The following RNASEH2B variants were observed in gnomAD, a reference collection of about 807,000 sequenced individuals.
RNASEH2B encodes the protein ribonuclease H2 subunit B.
In RNASEH2B, 36 loss-of-function variants were observed where a neutral mutation model predicts 45.0. The ratio of observed to expected loss-of-function variants is 0.80; its 90% CI spans 0.61 to 1.06. The LOEUF (loss-of-function observed/expected upper bound fraction) is 1.06. Among genes scored for constraint, RNASEH2B ranks in the 50% least tolerant of loss-of-function variants. The probability of loss-of-function intolerance (pLI) is 0.00; values close to 1 mark genes in which losing one functional copy is unlikely to be tolerated. For synonymous variants in RNASEH2B, 119 were observed against 125.7 expected, an observed-to-expected ratio of 0.95 and a Z score of 0.35; for missense variants, 361 against 360.3, an observed-to-expected ratio of 1.00 and a Z score of -0.02.
intron 1 of RNASEH2B, among the ~76,000 whole-genome samples, chr13:50,916,918 A>G (rs1879777153): frequency 6.6e-6 from 1 of 152,194 alleles, no homozygotes; most frequent in Non-Finnish European, 1.5e-5. Context: ...TTGCAGCAGC[A>G]GGAGTCCAGG....
rs9535526 is a variant in RNASEH2B at position 50,910,309 on chromosome 13, C to T, written c.64+169C>T. On this transcript the variant is annotated intron_variant, in intron 1 of 10. Transcript: ENST00000336617. ...CATTTTGGTCACACGTCATAGCAAGCCGCGGTTTTCAAACCCGGAAGCGCC... is the reference window on the plus strand; with the variant it reads ...CATTTTGGTCACACGTCATAGCAAGTCGCGGTTTTCAAACCCGGAAGCGCC... 251,627 of 433,204 alleles carry T rather than the reference C, an allele frequency of 0.58. 74,342 individuals carry two copies. Among genetic ancestry groups the T allele is most frequent in the African/African-American group, 0.62 (29,832 of 48,488 alleles). 26.8% of individuals were successfully genotyped at this position (433,204 alleles called of 1,614,324 possible).
chr13:50,926,334 T>C (rs1385014049), intron 1 of RNASEH2B, among the ~76,000 whole-genome samples: 1 of 152,208 alleles, frequency 6.6e-6, no homozygotes, highest in Non-Finnish European at 1.5e-5. Context: ...AAAATCTCCC[T>C]TCTTTCATTC....
At chr13:50,943,131 C>T in intron 5 of RNASEH2B, 190 bp from the exon 6 acceptor site, 1 of 557,582 alleles carries the variant, frequency 1.8e-6, no homozygotes, top group Non-Finnish European at 3.2e-6. Context: ...TGGTTGATGA[C>T]TCCTGAGGTA....
chr13:50,931,755 A>G lies in RNASEH2B; in HGVS notation c.321+996A>G, dbSNP rs939489282. 2.0e-5 allele frequency among the ~76,000 whole-genome samples: 3 copies of G among 152,320 alleles called. No individual in the cohort carries two copies. In the South Asian group the frequency reaches 6.2e-4, roughly 32 times the overall value. ...CTAAAAAATCAACAAGTAGTTTTTT[A>G]AAGTTTAGTTGCAATGTGAAATGTG... On this transcript the variant is annotated intron_variant, in intron 4 of 10. Coordinates refer to ENST00000336617, the MANE Select transcript of RNASEH2B (RefSeq NM_024570.4).
chr13:50,912,637 A>G (rs1879489594), intron 1 of RNASEH2B: 1 of 152,234 alleles, frequency 6.6e-6, no homozygotes, highest in Admixed American at 6.5e-5. Flanking sequence ...GGAGTTGGAA[A>G]CGATATGCCC....
At chr13:50,956,114 T>G in intron 10 of RNASEH2B, 1 of 436,730 alleles carries the variant, frequency 2.3e-6, no homozygotes, top group Non-Finnish European at 4.2e-6. Flanking sequence ...TGTAAACCAT[T>G]GGTTGGAACA....
rs1216959849 is a variant in RNASEH2B, at chr13:50,910,114, C to T, written c.38C>T (p.Ala13Val). ...AGVDCGDGVGARQHVFLVSEY... is the reference protein window; with the variant it reads ...AGVDCGDGVGVRQHVFLVSEY... ...GTGGACTGCGGGGACGGGGTTGGCG[C>T]CCGGCAGCACGTGTTCCTGGTTTCA... The change falls in exon 1 of 11, where the codon GCC (alanine) becomes GTC (valine). Residue 13 changes from alanine (A) to valine (V), a missense_variant. Transcript: ENST00000336617. 6 of 1,458,890 alleles carry T rather than the reference C, an allele frequency of 4.1e-6. No homozygotes were observed. The highest frequency in any genetic ancestry group is 5.4e-6 in the Non-Finnish European group (6 of 1,107,580). The allele number at this position is 1,458,890 out of a possible 1,614,324, so 90.4% of individuals were successfully genotyped here.
chr13:50,928,219 T>TG (rs1221201729), intron 2 of RNASEH2B: 1 of 152,238 alleles, frequency 6.6e-6, no homozygotes, highest in Non-Finnish European at 1.5e-5. Context: ...ACCTGATACT[T>TG]GCCATATTAG....
intron 4 of RNASEH2B, 95 bp downstream of exon 4, chr13:50,930,854 T>A: frequency 2.1e-6 from 2 of 945,038 alleles, no homozygotes; most frequent in Non-Finnish European, 1.7e-6. Context: ...CAAAGGTGGA[T>A]TCTACCTTCA....
intron 7 of RNASEH2B, among the ~76,000 whole-genome samples, chr13:50,945,762 C>A (rs1270272095): frequency 6.6e-6 from 1 of 152,154 alleles, no homozygotes; most frequent in Admixed American, 6.5e-5. Context: ...GCAAATATTT[C>A]TTTTACATTG....
chr13:50,944,312 G>A (rs140229948), intron 6 of RNASEH2B, among the ~76,000 whole-genome samples: 88 of 152,282 alleles, frequency 5.8e-4, no homozygotes, highest in African/African-American at 2.0e-3. Context: ...ACCAGTAGTT[G>A]TAGTACTGTT....
intron 10 of RNASEH2B, chr13:50,955,137 A>G (rs1456972741): frequency 6.6e-6 from 1 of 152,214 alleles, no homozygotes; most frequent in African/African-American, 2.4e-5. Flanking sequence ...TTAAGTACAG[A>G]AATTGTTTCC....
At chr13:50,927,161 G>C (rs1411099006) in intron 1 of RNASEH2B, 2 of 415,558 alleles carry the variant, frequency 4.8e-6, no homozygotes, top group East Asian at 1.1e-4. Flanking sequence ...TATCACCCAG[G>C]CCTTCTGATT....
rs1428846232 is a variant in RNASEH2B at position 50,969,957 on chromosome 13, G to A, written c.767G>A (p.Gly256Asp). ...ATGGCAGCACAAAGACAGAAAAGGG[G>A]CAAGTGATGGTGGTGGCTCCACGCA... The change falls in exon 10 of 10, where the codon GGC becomes GAC. Residue 256 changes from glycine to aspartate, a missense_variant. Coordinates refer to the RNASEH2B transcript ENST00000422660. The A allele has an allele frequency of 1.3e-6, 2 of 1,551,640 alleles. No homozygotes were observed. Among genetic ancestry groups the A allele is most frequent in the Non-Finnish European group, 8.7e-7 (1 of 1,146,940 alleles).
Position 50,956,544 on chromosome 13 carries a change from A to G in RNASEH2B, c.*70A>G. On this transcript the variant is annotated 3_prime_UTR_variant, in exon 11 of 11. Coordinates refer to ENST00000336617, the MANE Select transcript of RNASEH2B (RefSeq NM_024570.4). ...TTTCAGTTTGTCCTTCCTGACTGTTAATGACTACCTTTGGTTGGGGGAAGG... is the reference window on the plus strand; with the variant it reads ...TTTCAGTTTGTCCTTCCTGACTGTTGATGACTACCTTTGGTTGGGGGAAGG... 6.5e-7 allele frequency: 1 copy of G among 1,546,196 alleles called. No homozygotes were observed. Among genetic ancestry groups the G allele is most frequent in the Non-Finnish European group, 8.8e-7 (1 of 1,142,444 alleles).
At chr13:50,969,133 TGCCCTC>T (rs1952193550) in intron 9 of RNASEH2B, among the ~76,000 whole-genome samples, 1 of 152,180 alleles carries the variant, frequency 6.6e-6, no homozygotes, top group African/African-American at 2.4e-5. Context: ...AAAAATAACC[TGCCCTC>T]AAGAATTTCC....
intron 9 of RNASEH2B, among the ~76,000 whole-genome samples, chr13:50,949,741 A>G (rs1468873827): frequency 6.6e-6 from 1 of 152,234 alleles, no homozygotes; most frequent in East Asian, 1.9e-4. Flanking sequence ...GGTTTTAGCA[A>G]GGTACCCCTG....
intron 5 of RNASEH2B, chr13:50,940,828 A>G (rs1457944137): frequency 2.0e-5 from 3 of 152,242 alleles, no homozygotes; most frequent in African/African-American, 7.2e-5. Context: ...AAAAATAGAA[A>G]GCAATTTTAT....
intron 1 of RNASEH2B, among the ~76,000 whole-genome samples, chr13:50,925,434 G>A (rs1471925644): frequency 2.3e-4 from 35 of 152,122 alleles, no homozygotes; most frequent in Admixed American, 2.3e-3. Context: ...TGGGTGATGA[G>A]TATTTTGTAT....
Sources: allele counts gnomAD v4.1 joint callset (sites outside exome capture counted in the v4.1 genomes callset), GRCh38; gene constraint gnomAD v4.1.1; transcripts MANE v1.5; gene names NCBI Gene and HGNC (gene_info 2026-07-23, HGNC 2026-07-21).